The following IMPG1 variants were observed in gnomAD, a reference collection of about 807,000 sequenced individuals.
IMPG1 encodes the protein interphotoreceptor matrix proteoglycan 1.
A neutral mutation model predicts 92.0 loss-of-function variants in IMPG1; 85 were observed. The observed-to-expected ratio is 0.92, with a 90% CI of 0.78 to 1.11. IMPG1 has a LOEUF of 1.11. Among genes scored for constraint, IMPG1 ranks in the 50% least tolerant of loss-of-function variants. The pLI, the probability that IMPG1 is intolerant of heterozygous loss-of-function variation, is 0.00. For synonymous variants in IMPG1, 367 were observed against 334.1 expected, an observed-to-expected ratio of 1.10 and a Z score of -1.08; for missense variants, 1,022 against 956.0, an observed-to-expected ratio of 1.07 and a Z score of -0.91.
At chr6:76,025,080 T>G (rs1189662630) in intron 5 of IMPG1, 114 bp downstream of exon 5, 2 of 700,112 alleles carry the variant, frequency 2.9e-6, no homozygotes, top group African/African-American at 1.8e-5. Flanking sequence ...TAAGCTAGTT[T>G]TGAGAAAGTA....
chr6:75,966,905 T>C (rs1398006649), intron 12 of IMPG1, among the ~76,000 whole-genome samples: 2 of 152,186 alleles, frequency 1.3e-5, no homozygotes, highest in African/African-American at 4.8e-5. Flanking sequence ...AGGCCGGGCA[T>C]GATGGCTCAT....
At chr6:76,015,030 T>C (rs1005293909) in intron 7 of IMPG1, among the ~76,000 whole-genome samples, 13 of 152,210 alleles carry the variant, frequency 8.5e-5, no homozygotes, top group African/African-American at 3.1e-4. Flanking sequence ...CAGTTAACCT[T>C]ATTAATAATA....
chr6:76,035,135 G>T (rs893318240), intron 2 of IMPG1, among the ~76,000 whole-genome samples: 1 of 152,056 alleles, frequency 6.6e-6, no homozygotes, highest in Admixed American at 6.6e-5. Flanking sequence ...TGGAGTGCTA[G>T]GGGCACTGAA....
chr6:75,950,531 G>C (rs750496055), intron 13 of IMPG1, 31 bp downstream of exon 13: 1 of 1,526,944 alleles, frequency 6.5e-7, no homozygotes, highest in East Asian at 2.3e-5. Context: ...AAGAGACAAA[G>C]AATTGGGAAT....
chr6:75,939,196 T>C (rs1781798334), intron 14 of IMPG1, among the ~76,000 whole-genome samples: 1 of 152,240 alleles, frequency 6.6e-6, no homozygotes, highest in African/African-American at 2.4e-5. Context: ...TTTTCTTTTC[T>C]TTTCTTTTTT....
intron 14 of IMPG1, 79 bp from the exon 15 acceptor site, chr6:75,931,230 C>A: frequency 1.5e-6 from 2 of 1,338,874 alleles, no homozygotes; most frequent in Non-Finnish European, 2.1e-6. Flanking sequence ...GGCAAGAGAC[C>A]AAATACATTT....
chr6:76,063,748 C>G (rs2153704), intron 1 of IMPG1, among the ~76,000 whole-genome samples: 8 of 152,188 alleles, frequency 5.3e-5, no homozygotes, highest in African/African-American at 1.9e-4. Context: ...AAAATTGCAG[C>G]AGCCACATAG....
chr6:75,962,001 C>T (rs1013715769), intron 12 of IMPG1, among the ~76,000 whole-genome samples: 1 of 152,168 alleles, frequency 6.6e-6, no homozygotes, highest in African/African-American at 2.4e-5. Flanking sequence ...CTTTGAAATA[C>T]ACAGTTACCC....
At chr6:76,021,338 A>G (rs1247533366) in intron 6 of IMPG1, among the ~76,000 whole-genome samples, 1 of 152,130 alleles carries the variant, frequency 6.6e-6, no homozygotes, top group African/African-American at 2.4e-5. Flanking sequence ...GCCTCCCTAA[A>G]ACGTATGAAA....
intron 12 of IMPG1, among the ~76,000 whole-genome samples, chr6:76,000,205 A>G (rs1469904976): frequency 6.6e-6 from 1 of 152,224 alleles, no homozygotes; most frequent in African/African-American, 2.4e-5. Flanking sequence ...AAACCTACTG[A>G]ACTCTATGAT....
chr6:76,042,952 A>G (rs1783870853), intron 1 of IMPG1, among the ~76,000 whole-genome samples: 2 of 152,140 alleles, frequency 1.3e-5, no homozygotes, highest in Admixed American at 6.5e-5. Context: ...GCTTTACTAC[A>G]TCGATGAAAC....
At chr6:75,997,449 G>A (rs1438692428) in intron 12 of IMPG1, among the ~76,000 whole-genome samples, 1 of 152,126 alleles carries the variant, frequency 6.6e-6, no homozygotes, top group East Asian at 1.9e-4. Flanking sequence ...TTTTGGGCTG[G>A]GAGAGAGGCT....
Position 75,924,742 on chromosome 6 carries a change from A to AAT in IMPG1, c.2244-1038_2244-1037dup, listed in dbSNP as rs1781521042. On this transcript the variant is annotated intron_variant, in intron 15 of 16. Coordinates refer to ENST00000369950, the MANE Select transcript of IMPG1 (RefSeq NM_001563.4). ...TATAATATAATTATATATAATATAT[A>AAT]ATATATAATATATCATATAATTATA... 3.4e-5 allele frequency among the ~76,000 whole-genome samples: 2 copies of AAT among 59,100 alleles called. 1 individual carries two copies. The highest frequency in any genetic ancestry group is 1.4e-4 in the African/African-American group (2 of 14,274). The allele number at this position is 59,100 out of a possible 152,430, so 38.8% of individuals were successfully genotyped here.
At chr6:76,050,343 T>G (rs1347792620) in intron 1 of IMPG1, among the ~76,000 whole-genome samples, 1 of 152,100 alleles carries the variant, frequency 6.6e-6, no homozygotes, top group African/African-American at 2.4e-5. Flanking sequence ...CTTGGGAGGC[T>G]GAGGCATGAG....
At chr6:75,977,394 C>G (rs1782556532) in intron 12 of IMPG1, among the ~76,000 whole-genome samples, 1 of 151,942 alleles carries the variant, frequency 6.6e-6, no homozygotes, top group Admixed American at 6.6e-5. Flanking sequence ...TCGCAACCAG[C>G]CTGACTGATA....
At chr6:75,923,769 A>C in intron 15 of IMPG1, 63 bp from the exon 16 acceptor site, 2 of 870,232 alleles carry the variant, frequency 2.3e-6, no homozygotes, top group Non-Finnish European at 3.7e-6. Flanking sequence ...AATAGTAACT[A>C]CATCTTTCTA....
chr6:76,055,225 G>A (rs1306624509), intron 1 of IMPG1, among the ~76,000 whole-genome samples: 1 of 151,934 alleles, frequency 6.6e-6, no homozygotes, highest in Non-Finnish European at 1.5e-5. Context: ...CATGTTCTCA[G>A]ACTAATAGAG....
chr6:75,937,815 G>A (rs998221979), intron 14 of IMPG1, among the ~76,000 whole-genome samples: 1 of 152,180 alleles, frequency 6.6e-6, no homozygotes, highest in Non-Finnish European at 1.5e-5. Context: ...TAATTTCAGT[G>A]TTTACCATTT....
intron 9 of IMPG1, among the ~76,000 whole-genome samples, chr6:76,007,278 C>T (rs1216491320): frequency 1.3e-5 from 2 of 151,840 alleles, no homozygotes; most frequent in Non-Finnish European, 2.9e-5. Context: ...TACCTGTATC[C>T]CACATAGTGA....
Sources: gnomAD v4.1 joint callset for allele counts (sites outside exome capture counted in the v4.1 genomes callset) on GRCh38, gnomAD v4.1.1 for gene constraint, MANE v1.5 for transcripts, NCBI Gene and HGNC (gene_info 2026-07-23, HGNC 2026-07-21) for gene names.